Variants in ENTPD3 observed in about 807,000 individuals in gnomAD.
ENTPD3 encodes ectonucleoside triphosphate diphosphohydrolase 3, also known as CD39 antigen-like 3.
A neutral mutation model predicts 51.2 loss-of-function variants in ENTPD3; 60 were observed. The ratio of observed to expected loss-of-function variants is 1.17; its 90% CI spans 0.95 to 1.45. The LOEUF (loss-of-function observed/expected upper bound fraction) is 1.45. Among genes scored for constraint, ENTPD3 ranks in the 40% most tolerant of loss-of-function variants. The pLI is 0.00. For missense variants in ENTPD3, 593 were observed against 641.1 expected (o/e 0.93, Z 0.81); for synonymous variants, 221 against 238.4 (o/e 0.93, Z 0.67).
chr3:40,402,111 C>CTTTTTTTTTTTTTTTTTTTTT (rs775322652), intron 4 of ENTPD3, among the ~76,000 whole-genome samples: 3 of 97,310 alleles, frequency 3.1e-5, no homozygotes, highest in South Asian at 3.5e-4. Flanking sequence ...ATTTCCTTTC[C>CTTTTTTTTTTTTTTTTTTTTT]TTTTTTTTTT....
chr3:40,396,236 GAA>G (rs1471623309), intron 3 of ENTPD3, among the ~76,000 whole-genome samples: 1 of 152,216 alleles, frequency 6.6e-6, no homozygotes, highest in Non-Finnish European at 1.5e-5. Flanking sequence ...ACCAGAAACG[GAA>G]TGACAGCTTT....
At chr3:40,422,227 ATTT>A (rs1416670670) in intron 7 of ENTPD3, among the ~76,000 whole-genome samples, 1 of 146,052 alleles carries the variant, frequency 6.8e-6, no homozygotes, top group Middle Eastern at 3.2e-3. Flanking sequence ...ACAGAATGGT[ATTT>A]TTTGTTTCTC....
At chr3:40,396,620 G>A (rs1303250253) in intron 3 of ENTPD3, among the ~76,000 whole-genome samples, 1 of 152,150 alleles carries the variant, frequency 6.6e-6, no homozygotes, top group East Asian at 1.9e-4. Flanking sequence ...TTACTGGTCT[G>A]ACTTGCTCCA....
At chr3:40,402,409 G>A (rs929404510) in intron 4 of ENTPD3, among the ~76,000 whole-genome samples, 15 of 152,034 alleles carry the variant, frequency 9.9e-5, no homozygotes, top group African/African-American at 3.1e-4. Flanking sequence ...GTGAGCCACC[G>A]TGCTCGGCCT....
rs770752574 is a variant in ENTPD3, at chr3:40,422,957, G to A, written c.939G>A (p.Arg313=). 2 of 1,613,954 alleles carry A rather than the reference G, an allele frequency of 1.2e-6. No individual in the cohort carries two copies. The highest frequency in any genetic ancestry group is 1.7e-6 in the Non-Finnish European group (2 of 1,180,010). The change falls in exon 8 of 11, where the codon AGG becomes AGA. Residue 313 remains arginine (R), a synonymous_variant. Coordinates refer to ENST00000301825, the MANE Select transcript of ENTPD3 (RefSeq NM_001248.4). ...VFDSLCTVDQ[R]PESYNPNDVI... ...ATAGCCTGTGCACTGTGGACCAGAG[G>A]CCAGAAAGTTATAACCCCAATGATG...
Position 40,427,260 on chromosome 3 carries a change from T to C in ENTPD3, c.1354-12T>C. The C allele has an allele frequency of 1.2e-6, 2 of 1,609,438 alleles. No individual in the cohort carries two copies. Among genetic ancestry groups the C allele is most frequent in the Non-Finnish European group, 1.7e-6 (2 of 1,175,792 alleles). On this transcript the variant is annotated splice_polypyrimidine_tract_variant and intron_variant, in intron 10 of 10. Coordinates refer to ENST00000301825, the MANE Select transcript of ENTPD3 (RefSeq NM_001248.4). Reference sequence around the variant, plus strand: ...TTGCCCTGAGCGCTGAGCCATCTCCTCTACTCCACAGGTGGGGAATAGCAG... The same window carrying C: ...TTGCCCTGAGCGCTGAGCCATCTCCCCTACTCCACAGGTGGGGAATAGCAG...
intron 2 of ENTPD3, among the ~76,000 whole-genome samples, chr3:40,388,637 C>T (rs1954995528): frequency 1.4e-5 from 2 of 147,860 alleles, no homozygotes; most frequent in Admixed American, 6.9e-5. Context: ...TCTAAGCTTG[C>T]CCCGCCTGCC....
At chr3:40,388,147 G>A in intron 2 of ENTPD3, 50 bp downstream of exon 2, 4 of 1,556,722 alleles carry the variant, frequency 2.6e-6, no homozygotes, top group Non-Finnish European at 3.5e-6. Flanking sequence ...AATCGCAAGA[G>A]AACCCCAGCT....
intron 5 of ENTPD3, among the ~76,000 whole-genome samples, 169 bp from the exon 6 acceptor site, chr3:40,414,512 A>T (rs1003657809): frequency 3.3e-5 from 5 of 152,190 alleles, no homozygotes; most frequent in Non-Finnish European, 7.3e-5. Context: ...GTTGCCCCAG[A>T]AGGCTTCAAC....
chr3:40,388,906 A>G (rs1640015717), intron 2 of ENTPD3, among the ~76,000 whole-genome samples: 1 of 152,228 alleles, frequency 6.6e-6, no homozygotes, highest in African/African-American at 2.4e-5. Context: ...TTAGGAGGCC[A>G]GCCACGTAGC....
chr3:40,423,076 G>A lies in ENTPD3; in HGVS notation c.1058G>A (p.Cys353Tyr), dbSNP rs1376927601. Residue 353 changes from cysteine (C) to tyrosine (Y), a missense_variant, in exon 8 of 11, where the codon TGT (cysteine) becomes TAT (tyrosine). Coordinates refer to ENST00000301825, the MANE Select transcript of ENTPD3 (RefSeq NM_001248.4). ...AAAGCTTGCCATGATCAAGAAACCT[G>A]TTCTTTTGATGGGGTTTATCAGCCA... is the stretch of plus-strand genomic sequence containing the variant. Reference protein sequence around the residue: ...DFKACHDQETCSFDGVYQPKI... With the variant: ...DFKACHDQETYSFDGVYQPKI... The A allele has an allele frequency of 6.2e-7, 1 of 1,613,992 alleles. No homozygotes were observed. Among genetic ancestry groups the A allele is most frequent in the Non-Finnish European group, 8.5e-7 (1 of 1,179,932 alleles).
intron 2 of ENTPD3, among the ~76,000 whole-genome samples, chr3:40,388,585 G>GACACACAGAC (rs1553641848): frequency 2.1e-4 from 26 of 126,176 alleles, no homozygotes; most frequent in Non-Finnish European, 1.7e-5. Flanking sequence ...CACACACACA[G>GACACACAGAC]ACACACACAC....
chr3:40,410,029 G>T (rs1047422465), intron 4 of ENTPD3, among the ~76,000 whole-genome samples: 4 of 152,176 alleles, frequency 2.6e-5, no homozygotes, highest in African/African-American at 9.7e-5. Flanking sequence ...GACAAGGAGA[G>T]AATCTAGATG....
chr3:40,407,628 C>G (rs1238220855), intron 4 of ENTPD3, among the ~76,000 whole-genome samples: 3 of 151,858 alleles, frequency 2.0e-5, no homozygotes, highest in African/African-American at 7.3e-5. Flanking sequence ...GATATCCAGC[C>G]CCAGCTCATC....
intron 3 of ENTPD3, among the ~76,000 whole-genome samples, chr3:40,398,123 G>A (rs9863679): frequency 0.26 from 39,236 of 152,066 alleles, 5,991 homozygotes; most frequent in East Asian, 0.51. Context: ...GCAGGTGCCG[G>A]AGGGACAGCC....
At chr3:40,418,907 G>C (rs981721416) in intron 7 of ENTPD3, among the ~76,000 whole-genome samples, 2 of 151,646 alleles carry the variant, frequency 1.3e-5, no homozygotes, top group Middle Eastern at 3.4e-3. Flanking sequence ...AACTTAAAAA[G>C]AAAAAAAATT....
At chr3:40,406,349 C>A (rs1476748734) in intron 4 of ENTPD3, among the ~76,000 whole-genome samples, 2 of 152,172 alleles carry the variant, frequency 1.3e-5, no homozygotes, top group African/African-American at 2.4e-5. Context: ...GAGACTGAAG[C>A]TAGAGCCAAG....
chr3:40,413,250 C>T (rs1955674830), intron 5 of ENTPD3, among the ~76,000 whole-genome samples: 1 of 152,142 alleles, frequency 6.6e-6, no homozygotes, highest in African/African-American at 2.4e-5. Flanking sequence ...CTATTCAATT[C>T]CCATTTTCAG....
At chr3:40,417,078 C>T (rs1310989213) in intron 7 of ENTPD3, among the ~76,000 whole-genome samples, 1 of 152,012 alleles carries the variant, frequency 6.6e-6, no homozygotes, top group Non-Finnish European at 1.5e-5. Context: ...CAGTTCTGGC[C>T]CCTCCCCCAA....
Sources: allele counts gnomAD v4.1 joint callset (sites outside exome capture counted in the v4.1 genomes callset), GRCh38; gene constraint gnomAD v4.1.1; transcripts MANE v1.5; gene names NCBI Gene and HGNC (gene_info 2026-07-23, HGNC 2026-07-21).